The following PTDSS2 variants were observed in gnomAD, a reference collection of about 807,000 sequenced individuals.
PTDSS2 encodes the protein PSS-2.
PTDSS2 carries 41 observed loss-of-function variants against 64.7 expected under a neutral mutation model. That is an observed-to-expected ratio of 0.63 (90% CI 0.49 to 0.82). PTDSS2 has a LOEUF of 0.82. PTDSS2 is among the 40% of genes least tolerant of loss of function. PTDSS2 has a pLI of 0.00. For missense variants in PTDSS2, 485 were observed against 650.0 expected (o/e 0.75, Z 2.76); for synonymous variants, 297 against 277.8 (o/e 1.07, Z -0.69).
chr11:450,498 G>T lies in PTDSS2; in HGVS notation c.43G>T (p.Glu15Ter). The change falls in exon 1 of 12, where the codon GAG becomes TAG. Residue 15 changes from glutamate to a stop codon, truncating the protein, a stop_gained. Coordinates refer to ENST00000308020, the MANE Select transcript of PTDSS2 (RefSeq NM_030783.3). LOFTEE classifies it high-confidence loss of function. The part of the protein sequence containing the change: ...ERRDAGGPRP[E>*]SPVPAGRASL... Reference sequence around the variant, plus strand: ...CAGGGACGCCGGAGGTCCGCGGCCCGAGTCCCCGGTGCCCGCGGGCAGGGC... The same window carrying T: ...CAGGGACGCCGGAGGTCCGCGGCCCTAGTCCCCGGTGCCCGCGGGCAGGGC... 1 of 1,237,476 alleles carries T rather than the reference G, an allele frequency of 8.1e-7. No homozygotes were observed. Among genetic ancestry groups the T allele is most frequent in the Non-Finnish European group, 1.0e-6 (1 of 984,628 alleles). 76.7% of individuals were successfully genotyped at this position (1,237,476 alleles called of 1,614,324 possible).
chr11:474,915 G>A (rs201802417), intron 3 of PTDSS2, among the ~76,000 whole-genome samples: 2 of 91,252 alleles, frequency 2.2e-5, no homozygotes, highest in Admixed American at 9.5e-5. Context: ...GTTCGTGTAC[G>A]GACATATTCA....
chr11:480,547 C>A, intron 4 of PTDSS2: 1 of 159,584 alleles, frequency 6.3e-6, no homozygotes, highest in Non-Finnish European at 1.4e-5. Context: ...TGTCTTCCTG[C>A]GCTCCTCTTT....
upstream of PTDSS2, among the ~76,000 whole-genome samples, chr11:448,696 C>T (rs750365790): frequency 2.6e-5 from 4 of 152,256 alleles, no homozygotes; most frequent in Non-Finnish European, 4.4e-5. Context: ...AGTCAGGCCC[C>T]ATCCCTGCTG....
chr11:456,963 A>T (rs958900546), intron 1 of PTDSS2, among the ~76,000 whole-genome samples: 9 of 152,234 alleles, frequency 5.9e-5, no homozygotes, highest in African/African-American at 2.2e-4. Context: ...AATATGGCAG[A>T]AGAATTCACT....
At chr11:478,964 G>C in intron 3 of PTDSS2, 121 bp from the exon 4 acceptor site, 1 of 717,910 alleles carries the variant, frequency 1.4e-6, no homozygotes, top group Non-Finnish European at 2.5e-6. Context: ...GCTCTCCCAG[G>C]GGCCTGTGAA....
chr11:451,878 C>T (rs1243922816), intron 1 of PTDSS2, among the ~76,000 whole-genome samples: 2 of 152,164 alleles, frequency 1.3e-5, no homozygotes, highest in African/African-American at 2.4e-5. Flanking sequence ...TCCGAGCTCT[C>T]CTTTGGGGAG....
intron 2 of PTDSS2, among the ~76,000 whole-genome samples, chr11:472,454 T>C (rs1422669624): frequency 6.6e-6 from 1 of 152,156 alleles, no homozygotes; most frequent in African/African-American, 2.4e-5. Context: ...AGCGGTAGTG[T>C]GGGAGCTGGG....
In PTDSS2 at chr11:460,238, T is replaced by C. The variant is rs2133768523; in HGVS notation, c.234T>C (p.Tyr78=). 1.2e-6 allele frequency: 2 copies of C among 1,614,218 alleles called. No individual in the cohort carries two copies. The highest frequency in any genetic ancestry group is 1.7e-6 in the Non-Finnish European group (2 of 1,180,018). The change falls in exon 2 of 12, where the codon TAT becomes TAC. Residue 78 remains tyrosine, a synonymous_variant. Coordinates refer to ENST00000308020, the MANE Select transcript of PTDSS2 (RefSeq NM_030783.3). The surrounding 1 kb of genome is among the most constrained non-coding windows in gnomAD (Gnocchi z 5.8). Reference sequence around the variant, plus strand: ...TCATCCTCACCTGTACGCTTGGCTATGTGACGCTGCTGGAGGAAACACCTC... The same window carrying C: ...TCATCCTCACCTGTACGCTTGGCTACGTGACGCTGCTGGAGGAAACACCTC... ...VLFILTCTLG[Y]VTLLEETPQD...
intron 4 of PTDSS2, among the ~76,000 whole-genome samples, chr11:484,989 G>A (rs767679978): frequency 2.1e-5 from 3 of 145,746 alleles, no homozygotes; most frequent in Non-Finnish European, 4.5e-5. Flanking sequence ...GCACGGGCAC[G>A]TGTGCTCACT....
At chr11:485,651 TCA>T (rs1363527430) in intron 4 of PTDSS2, among the ~76,000 whole-genome samples, 1 of 131,602 alleles carries the variant, frequency 7.6e-6, no homozygotes, top group Non-Finnish European at 1.6e-5. Context: ...GCGTGTGTGC[TCA>T]CTGTGCGCAG....
chr11:476,271 C>T lies in PTDSS2; in HGVS notation c.367+2294C>T, dbSNP rs1486092404. Among the ~76,000 whole-genome samples, 2 of 152,176 alleles carry T rather than the reference C, an allele frequency of 1.3e-5. No individual in the cohort carries two copies. The highest frequency in any genetic ancestry group is 2.9e-5 in the Non-Finnish European group (2 of 68,036). On this transcript the variant is annotated intron_variant, in intron 3 of 11. Transcript: ENST00000308020. This position sits in a 1 kb window ranked among gnomAD's most constrained non-coding sequence, Gnocchi z 4.9. ...AGGGGTTTGGATTCCTCAGCAGAGC[C>T]GTGGAAGGTGCAGTGATGGTGAGAA...
Position 490,028 on chromosome 11 carries a change from GT to G in PTDSS2, c.1262del (p.Val421AlafsTer18). The G allele has an allele frequency of 6.2e-7, 1 of 1,611,140 alleles. No homozygotes were observed. Among genetic ancestry groups the G allele is most frequent in the South Asian group, 1.1e-5 (1 of 91,082 alleles). ...CTCCCAGTGCTGGACCCTCGGCTCCGTCCTGGCGCTCACCTGGACCGTCTGG... is the reference window on the plus strand; with the variant it reads ...CTCCCAGTGCTGGACCCTCGGCTCCGCCTGGCGCTCACCTGGACCGTCTGG... ...YISQCWTLGS[V>X]LALTWTVWRF... On this transcript the variant is annotated frameshift_variant, in exon 11 of 12. Transcript: ENST00000308020. LOFTEE classifies it low-confidence loss of function (END_TRUNC).
chr11:455,165 C>T (rs989064668), intron 1 of PTDSS2, among the ~76,000 whole-genome samples: 3 of 152,168 alleles, frequency 2.0e-5, no homozygotes, highest in Non-Finnish European at 4.4e-5. Flanking sequence ...GGTGTCCTCA[C>T]GTTGATCTAG....
intron 1 of PTDSS2, chr11:459,189 G>A (rs1346306514): frequency 1.7e-3 from 49 of 28,266 alleles, no homozygotes; most frequent in African/African-American, 0.011. Context: ...CACTCCGGTG[G>A]ATGTCGGACC....
At chr11:482,957 C>A (rs61876330) in intron 4 of PTDSS2, among the ~76,000 whole-genome samples, 10,597 of 128,826 alleles carry the variant, frequency 0.082, 192 homozygotes, top group Non-Finnish European at 0.1. Flanking sequence ...TTTCGTAGAT[C>A]TCCCTACCGA....
chr11:472,184 T>C (rs1407606510), intron 2 of PTDSS2, among the ~76,000 whole-genome samples: 1 of 152,156 alleles, frequency 6.6e-6, no homozygotes, highest in African/African-American at 2.4e-5. Context: ...GTTCCTCTTT[T>C]CATTTTTATC....
chr11:475,959 C>G (rs73385898), intron 3 of PTDSS2, among the ~76,000 whole-genome samples: 3,904 of 152,296 alleles, frequency 0.026, 168 homozygotes, highest in African/African-American at 0.089. Context: ...AGGGCATACA[C>G]AGTTTAAGCC....
intron 1 of PTDSS2, among the ~76,000 whole-genome samples, chr11:453,300 G>A (rs1293779339): frequency 6.6e-6 from 1 of 152,152 alleles, no homozygotes; most frequent in African/African-American, 2.4e-5. Flanking sequence ...AGCTCATGCG[G>A]TCTGGAAATT....
At chr11:475,113 G>GTGTGATATGGCCATATTCACGTGTT (rs1554952953) in intron 3 of PTDSS2, among the ~76,000 whole-genome samples, 1 of 67,952 alleles carries the variant, frequency 1.5e-5, no homozygotes, top group African/African-American at 6.9e-5. Flanking sequence ...TCACGCGTTT[G>GTGTGATATGGCCATATTCACGTGTT]TGTGATACGG....
Sources: allele counts gnomAD v4.1 joint callset (sites outside exome capture counted in the v4.1 genomes callset), GRCh38; gene constraint gnomAD v4.1.1; non-coding constraint Gnocchi (gnomAD v3.1); transcripts MANE v1.5; gene names NCBI Gene and HGNC (gene_info 2026-07-23, HGNC 2026-07-21).